The following ARHGAP24 variants were observed in gnomAD, a reference collection of about 807,000 sequenced individuals.
ARHGAP24 encodes the protein rho GTPase-activating protein 24.
ARHGAP24 carries 50 observed loss-of-function variants against 76.4 expected under a neutral mutation model. That is an observed-to-expected ratio of 0.65 (90% CI 0.52 to 0.83). ARHGAP24 has a LOEUF of 0.83. Among genes scored for constraint, ARHGAP24 ranks in the 40% least tolerant of loss-of-function variants. The pLI, the probability that ARHGAP24 is intolerant of heterozygous loss-of-function variation, is 0.00. For missense variants in ARHGAP24, 930 were observed against 914.2 expected (o/e 1.02, Z -0.22); for synonymous variants, 345 against 323.3 (o/e 1.07, Z -0.72).
intron 2 of ARHGAP24, among the ~76,000 whole-genome samples, chr4:85,630,104 T>C (rs1429472914): frequency 6.6e-6 from 1 of 152,144 alleles, no homozygotes; most frequent in East Asian, 1.9e-4. Flanking sequence ...GCTAATTATT[T>C]ACTCTTCTTG....
intron 2 of ARHGAP24, among the ~76,000 whole-genome samples, chr4:85,632,070 A>G (rs376144131): frequency 1.3e-5 from 2 of 151,728 alleles, no homozygotes; most frequent in South Asian, 4.2e-4. Context: ...TGTTCCCTTG[A>G]TTTCCATATA....
intron 1 of ARHGAP24, among the ~76,000 whole-genome samples, chr4:85,488,018 G>A (rs1264516269): frequency 6.7e-6 from 1 of 149,348 alleles, no homozygotes; most frequent in Non-Finnish European, 1.5e-5. Flanking sequence ...CCATTCTCCT[G>A]CCTCATCCTC....
At chr4:85,803,790 A>G (rs1728674832) in intron 3 of ARHGAP24, among the ~76,000 whole-genome samples, 1 of 152,204 alleles carries the variant, frequency 6.6e-6, no homozygotes, top group Non-Finnish European at 1.5e-5. Flanking sequence ...ACAGTGTGCC[A>G]TGGATCTTTG....
rs975749263 is a variant in ARHGAP24, at chr4:86,001,630, C to A, written c.*908C>A. On this transcript the variant is annotated 3_prime_UTR_variant, in exon 10 of 10. Coordinates refer to ENST00000395184, the MANE Select transcript of ARHGAP24 (RefSeq NM_001025616.3). ...GGGAAACAATGCTTGCTAAACCATG[C>A]CCACGTGAGCACCTGTCTCCCACTC... The A allele has an allele frequency of 2.0e-5, 8 of 390,316 alleles. No individual in the cohort carries two copies. The highest frequency in any genetic ancestry group is 1.6e-4 in the African/African-American group (8 of 48,492). 24.2% of individuals were successfully genotyped at this position (390,316 alleles called of 1,614,324 possible).
intron 2 of ARHGAP24, among the ~76,000 whole-genome samples, chr4:85,655,782 T>TAGAGAGAG (rs1214189915): frequency 3.3e-5 from 1 of 30,596 alleles, no homozygotes; most frequent in Admixed American, 3.6e-4. Flanking sequence ...TATATATATA[T>TAGAGAGAG]ATATATATAT....
intron 3 of ARHGAP24, among the ~76,000 whole-genome samples, chr4:85,920,583 G>A (rs1031832821): frequency 2.0e-5 from 3 of 152,124 alleles, no homozygotes; most frequent in African/African-American, 7.2e-5. Context: ...TACCAACAGA[G>A]TGAACAGACA....
At chr4:85,636,985 C>A (rs985235839) in intron 2 of ARHGAP24, among the ~76,000 whole-genome samples, 5 of 151,918 alleles carry the variant, frequency 3.3e-5, no homozygotes, top group Non-Finnish European at 5.9e-5. Flanking sequence ...TTAGAATGTC[C>A]CCCAAAGTGT....
At chr4:85,842,843 A>G (rs1255111011) in intron 3 of ARHGAP24, among the ~76,000 whole-genome samples, 2 of 152,214 alleles carry the variant, frequency 1.3e-5, no homozygotes, top group Non-Finnish European at 2.9e-5. Flanking sequence ...TGCATCGTGT[A>G]AGTTGTCTCA....
At chr4:85,573,895 G>A (rs926178547) in intron 2 of ARHGAP24, among the ~76,000 whole-genome samples, 1 of 152,048 alleles carries the variant, frequency 6.6e-6, no homozygotes, top group Non-Finnish European at 1.5e-5. Flanking sequence ...CTTTACCTTT[G>A]CTTTTAGTCA....
chr4:85,850,388 T>C (rs531051010), intron 3 of ARHGAP24, among the ~76,000 whole-genome samples: 3 of 152,310 alleles, frequency 2.0e-5, no homozygotes, highest in South Asian at 4.1e-4. Context: ...GTTGATCTTT[T>C]CAAAAAACCA....
At chr4:85,511,966 C>A (rs1724305163) in intron 1 of ARHGAP24, among the ~76,000 whole-genome samples, 1 of 152,242 alleles carries the variant, frequency 6.6e-6, no homozygotes, top group Non-Finnish European at 1.5e-5. Flanking sequence ...GTGGGTCTCA[C>A]TGTCATCACC....
intron 3 of ARHGAP24, among the ~76,000 whole-genome samples, chr4:85,863,159 C>T (rs1309226182): frequency 2.0e-5 from 3 of 152,028 alleles, no homozygotes; most frequent in South Asian, 2.1e-4. Flanking sequence ...TCCTACACTA[C>T]AACACAACAA....
intron 3 of ARHGAP24, among the ~76,000 whole-genome samples, chr4:85,789,311 T>C (rs1256304021): frequency 6.7e-6 from 1 of 148,852 alleles, no homozygotes; most frequent in Non-Finnish European, 1.5e-5. Flanking sequence ...ATAAATGGCA[T>C]AGAAACTCTA....
At chr4:85,746,599 A>G (rs1428783559) in intron 3 of ARHGAP24, among the ~76,000 whole-genome samples, 1 of 151,952 alleles carries the variant, frequency 6.6e-6, no homozygotes, top group African/African-American at 2.4e-5. Context: ...TCTTTTAACC[A>G]CACGCCTGAA....
intron 1 of ARHGAP24, among the ~76,000 whole-genome samples, chr4:85,568,544 C>G (rs958090783): frequency 5.9e-5 from 9 of 152,186 alleles, no homozygotes; most frequent in African/African-American, 1.9e-4. Context: ...GAGTGGAGTT[C>G]TTGGCTCATC....
chr4:85,777,470 AT>A (rs1369779826), intron 3 of ARHGAP24, among the ~76,000 whole-genome samples: 1 of 152,212 alleles, frequency 6.6e-6, no homozygotes, highest in African/African-American at 2.4e-5. Flanking sequence ...AAATGGAAAG[AT>A]TAATAGTGGC....
At chr4:85,955,789 C>G (rs1372219865) in intron 5 of ARHGAP24, among the ~76,000 whole-genome samples, 1 of 152,194 alleles carries the variant, frequency 6.6e-6, no homozygotes, top group Non-Finnish European at 1.5e-5. Flanking sequence ...CTGGGAGCAA[C>G]ATATCAGTTC....
At position 85,888,802 on chromosome 4, in the gene ARHGAP24, T is replaced by C. The variant is rs146943370; in HGVS notation, c.269-34846T>C. ...CCCTCCACCCTCCAATAGACCCCAGTGTGTGTTGTTCCACTCTACGTGTCC... is the reference window on the plus strand; with the variant it reads ...CCCTCCACCCTCCAATAGACCCCAGCGTGTGTTGTTCCACTCTACGTGTCC... On this transcript the variant is annotated intron_variant, in intron 3 of 9. Coordinates refer to ENST00000395184, the MANE Select transcript of ARHGAP24 (RefSeq NM_001025616.3). Among the ~76,000 whole-genome samples, 5 of 152,212 alleles carry C rather than the reference T, an allele frequency of 3.3e-5. 1 individual carries two copies. The East Asian group carries it at 9.7e-4, about 29-fold the overall frequency.
chr4:85,719,222 A>G (rs77367586), intron 2 of ARHGAP24, among the ~76,000 whole-genome samples: 5,182 of 152,288 alleles, frequency 0.034, 262 homozygotes, highest in African/African-American at 0.12. Context: ...CAAAGTATCT[A>G]GCAATTTTTT....
Sources: gnomAD v4.1 joint callset for allele counts (sites outside exome capture counted in the v4.1 genomes callset) on GRCh38, gnomAD v4.1.1 for gene constraint, MANE v1.5 for transcripts, NCBI Gene and HGNC (gene_info 2026-07-23, HGNC 2026-07-21) for gene names.